The following DLGAP2 variants were observed in gnomAD, a reference collection of about 807,000 sequenced individuals.
DLGAP2 encodes disks large-associated protein 2.
Under a neutral mutation model 100.3 loss-of-function variants are expected in DLGAP2, and 26 were observed. The observed-to-expected ratio is 0.26, with a 90% confidence interval of 0.19 to 0.36. The LOEUF (loss-of-function observed/expected upper bound fraction) is 0.36. DLGAP2 is among the 10% of genes least tolerant of loss of function. DLGAP2 has a pLI of 1.00. For synonymous variants in DLGAP2, 886 were observed against 630.1 expected (o/e 1.41, Z -6.08); for missense variants, 1,858 against 1,453.2 (o/e 1.28, Z -4.53).
At chr8:1,570,603 G>C (rs563353645) in intron 6 of DLGAP2, among the ~76,000 whole-genome samples, 15 of 152,348 alleles carry the variant, frequency 9.8e-5, no homozygotes, top group African/African-American at 3.1e-4. Flanking sequence ...CCAAGAGGCT[G>C]GCTGTGGAGG....
intron 2 of DLGAP2, among the ~76,000 whole-genome samples, chr8:1,243,561 G>A (rs1025400932): frequency 6.6e-6 from 1 of 152,058 alleles, no homozygotes; most frequent in South Asian, 2.1e-4. Context: ...TCTCGCTCAC[G>A]ATATATTACA....
intron 2 of DLGAP2, among the ~76,000 whole-genome samples, chr8:1,119,485 G>C (rs1000193407): frequency 6.6e-6 from 1 of 152,154 alleles, no homozygotes; most frequent in African/African-American, 2.4e-5. Flanking sequence ...TGAGCACAAG[G>C]CCCATTGCTT....
intron 6 of DLGAP2, among the ~76,000 whole-genome samples, chr8:1,589,362 G>A (rs1275555730): frequency 6.6e-6 from 1 of 152,176 alleles, no homozygotes; most frequent in Non-Finnish European, 1.5e-5. Context: ...TCAGCTATGA[G>A]TGGAACAATA....
chr8:909,088 T>G (rs1000856375), intron 2 of DLGAP2, among the ~76,000 whole-genome samples: 2 of 152,222 alleles, frequency 1.3e-5, no homozygotes, highest in South Asian at 4.1e-4. Context: ...CTGATAGAAC[T>G]CTTCTTGAGA....
At chr8:1,655,669 G>A (rs1798267431) in intron 8 of DLGAP2, among the ~76,000 whole-genome samples, 1 of 152,190 alleles carries the variant, frequency 6.6e-6, no homozygotes, top group Non-Finnish European at 1.5e-5. Flanking sequence ...TGTAGATTGT[G>A]GAGCAGTTTC....
chr8:1,392,374 T>C (rs1311784980), intron 3 of DLGAP2, among the ~76,000 whole-genome samples: 6 of 152,090 alleles, frequency 3.9e-5, no homozygotes, highest in Admixed American at 3.9e-4. Context: ...GGGCTTCCCT[T>C]TCTTCCCATC....
At chr8:1,578,472 C>T (rs909046214) in intron 6 of DLGAP2, among the ~76,000 whole-genome samples, 36 of 152,110 alleles carry the variant, frequency 2.4e-4, no homozygotes, top group Admixed American at 1.3e-3. Flanking sequence ...CTGCCTGGTA[C>T]GGGACTGGAA....
At chr8:1,393,840 C>T (rs55807355) in intron 3 of DLGAP2, among the ~76,000 whole-genome samples, 20 of 388 alleles carry the variant, frequency 0.052, no homozygotes, top group Non-Finnish European at 0.054. Context: ...TACTGAGCGC[C>T]CCCTCCTCGT....
intron 3 of DLGAP2, among the ~76,000 whole-genome samples, chr8:1,279,298 A>C (rs1050397106): frequency 4.6e-5 from 7 of 152,202 alleles, no homozygotes; most frequent in African/African-American, 1.4e-4. Flanking sequence ...TCTTCACCTC[A>C]ATTTCAATCC....
intron 2 of DLGAP2, among the ~76,000 whole-genome samples, chr8:1,191,603 C>G (rs7819917): frequency 0.055 from 8,405 of 152,286 alleles, 287 homozygotes; most frequent in African/African-American, 0.088. Flanking sequence ...ACAAGACAGG[C>G]AGCCACAACG....
chr8:1,548,634 T>A lies in DLGAP2; in HGVS notation c.181T>A (p.Tyr61Asn), dbSNP rs1330372230. The A allele has an allele frequency of 1.9e-6, 3 of 1,539,304 alleles. No homozygotes were observed. The African/African-American group carries it at 4.1e-5, about 21-fold the overall frequency. ...TTTCTGTTTCCCCACAGACCCGCAG[T>A]ACTCATGGTCGCCCACGCAGCACTT... ...GPAEEDLDPQYSWSPTQHFNE... is the reference protein window; with the variant it reads ...GPAEEDLDPQNSWSPTQHFNE... The change falls in exon 5 of 15, where the codon TAC becomes AAC. Residue 61 changes from tyrosine to asparagine, a missense_variant. Coordinates refer to ENST00000637795, the MANE Select transcript of DLGAP2 (RefSeq NM_001346810.2).
At chr8:1,309,517 A>T (rs571108847) in intron 3 of DLGAP2, among the ~76,000 whole-genome samples, 1 of 152,248 alleles carries the variant, frequency 6.6e-6, no homozygotes, top group East Asian at 1.9e-4. Flanking sequence ...ATCCTTCACA[A>T]TGAAGGAGGA....
chr8:1,646,863 G>C (rs1454244686), intron 8 of DLGAP2, among the ~76,000 whole-genome samples: 4 of 152,200 alleles, frequency 2.6e-5, no homozygotes, highest in Non-Finnish European at 5.9e-5. Context: ...GGCTTGGAAA[G>C]CCAGCGTCGA....
At chr8:1,135,716 C>T (rs1053273469) in intron 2 of DLGAP2, among the ~76,000 whole-genome samples, 2 of 152,060 alleles carry the variant, frequency 1.3e-5, no homozygotes, top group East Asian at 1.9e-4. Context: ...AAAAGCCAAA[C>T]CTCTCCATGG....
intron 12 of DLGAP2, among the ~76,000 whole-genome samples, chr8:1,684,871 C>T (rs757766535): frequency 3.9e-5 from 6 of 152,126 alleles, no homozygotes; most frequent in Non-Finnish European, 5.9e-5. Flanking sequence ...CAAGAACTCA[C>T]CAAGGGAGCA....
chr8:1,702,259 ATTTTC>A lies in DLGAP2; in HGVS notation c.*857_*861del, dbSNP rs1389705480. On this transcript the variant is annotated 3_prime_UTR_variant, in exon 15 of 15. Coordinates refer to ENST00000637795, the MANE Select transcript of DLGAP2 (RefSeq NM_001346810.2). ...TCTAACTTAAAATACGACACCCAGT[ATTTTC>A]TTTAAGTTTCACCATTTACGCTACA... 2.0e-5 allele frequency: 3 copies of A among 151,926 alleles called. No individual in the cohort carries two copies. The highest frequency in any genetic ancestry group is 7.3e-5 in the African/African-American group (3 of 41,330). The allele number at this position is 151,926 out of a possible 1,614,324, so 9.4% of individuals were successfully genotyped here.
intron 2 of DLGAP2, among the ~76,000 whole-genome samples, chr8:1,159,290 T>A (rs1427011841): frequency 2.0e-5 from 3 of 152,246 alleles, no homozygotes; most frequent in African/African-American, 7.2e-5. Context: ...TCCTGTTGTT[T>A]AATCCTTTAA....
At chr8:1,645,220 T>G (rs1798013871) in intron 8 of DLGAP2, among the ~76,000 whole-genome samples, 1 of 152,260 alleles carries the variant, frequency 6.6e-6, no homozygotes, top group Non-Finnish European at 1.5e-5. Context: ...TTTTTTAACC[T>G]TATAATAGCG....
At chr8:1,430,678 C>A (rs1244301371) in intron 3 of DLGAP2, among the ~76,000 whole-genome samples, 1 of 152,182 alleles carries the variant, frequency 6.6e-6, no homozygotes, top group Non-Finnish European at 1.5e-5. Flanking sequence ...TTCATACTTT[C>A]TTGAAGAAAA....
Sources: gnomAD v4.1 joint callset for allele counts (sites outside exome capture counted in the v4.1 genomes callset) on GRCh38, gnomAD v4.1.1 for gene constraint, MANE v1.5 for transcripts, NCBI Gene and HGNC (gene_info 2026-07-23, HGNC 2026-07-21) for gene names.